The following MARK1 variants were observed in gnomAD, a reference collection of about 807,000 sequenced individuals.
MARK1 encodes microtubule affinity regulating kinase 1.
In MARK1, 40 loss-of-function variants were observed where a neutral mutation model predicts 96.3. That is an observed-to-expected ratio of 0.42 (90% CI 0.32 to 0.54). MARK1 has a LOEUF of 0.54. Among genes scored for constraint, MARK1 ranks in the 20% least tolerant of loss-of-function variants. MARK1 has a pLI of 0.16. For synonymous variants in MARK1, 317 were observed against 341.2 expected, an observed-to-expected ratio of 0.93 and a Z score of 0.78; for missense variants, 719 against 984.6, an observed-to-expected ratio of 0.73 and a Z score of 3.61.
At chr1:220,539,004 T>A (rs1351937870) in intron 1 of MARK1, among the ~76,000 whole-genome samples, 5 of 152,128 alleles carry the variant, frequency 3.3e-5, no homozygotes, top group Non-Finnish European at 7.3e-5. Context: ...TACAATCATG[T>A]CATCTGCAAA....
intron 1 of MARK1, among the ~76,000 whole-genome samples, chr1:220,556,235 C>T (rs1052773466): frequency 6.6e-6 from 1 of 152,112 alleles, no homozygotes; most frequent in African/African-American, 2.4e-5. Flanking sequence ...AAAAACTCTG[C>T]CCCTTAGTTG....
chr1:220,595,743 G>T (rs891980509), intron 3 of MARK1, among the ~76,000 whole-genome samples: 1 of 152,164 alleles, frequency 6.6e-6, no homozygotes, highest in Non-Finnish European at 1.5e-5. Flanking sequence ...TGGATAACAG[G>T]TTGGAGGATG....
At chr1:220,562,866 G>A (rs79461601) in intron 1 of MARK1, among the ~76,000 whole-genome samples, 2,360 of 152,216 alleles carry the variant, frequency 0.016, 34 homozygotes, top group Middle Eastern at 0.044. Context: ...AGCAAATTCA[G>A]GTTTTGCTTT....
At chr1:220,553,656 T>C (rs1662034769) in intron 1 of MARK1, among the ~76,000 whole-genome samples, 1 of 152,170 alleles carries the variant, frequency 6.6e-6, no homozygotes, top group South Asian at 2.1e-4. Context: ...ATGGGAAGCT[T>C]ATGTTGAATG....
At chr1:220,648,300 T>G (rs1294907490) in intron 13 of MARK1, among the ~76,000 whole-genome samples, 5 of 152,218 alleles carry the variant, frequency 3.3e-5, no homozygotes, top group Non-Finnish European at 5.9e-5. Flanking sequence ...AAGGGTAGTT[T>G]TCCACCTAGT....
rs201504768 is a variant in MARK1, at chr1:220,635,931, C to G, written c.1375C>G (p.Arg459Gly). The change falls in exon 13 of 18, where the codon CGA becomes GGA. Residue 459 changes from arginine (R) to glycine (G), a missense_variant. Physicochemically the swap from Arg to Gly is moderately radical, Grantham distance 125. Around this residue, in one of 4 missense-constraint regions of MARK1, gnomAD observed 501 missense variants for 588.3 expected, o/e 0.85. Transcript: ENST00000366917. The stretch of plus-strand genomic sequence containing the variant: ...AGAGGAGTGGGACAAAGATGTGGCT[C>G]GAAAACTTGGCAGCACAACAGTTGG... Reference protein sequence around the residue: ...QKEEWDKDVARKLGSTTVGSK... With the variant: ...QKEEWDKDVAGKLGSTTVGSK... 3.9e-5 allele frequency: 63 copies of G among 1,613,938 alleles called. No homozygotes were observed. In the East Asian group the frequency reaches 1.4e-3, roughly 35 times the overall value.
chr1:220,600,009 T>C, intron 5 of MARK1, 146 bp downstream of exon 5: 1 of 490,526 alleles, frequency 2.0e-6, no homozygotes. Flanking sequence ...TTAAGGAAAA[T>C]TCAGTGTTTA....
chr1:220,579,244 G>A lies in MARK1; in HGVS notation c.52-110G>A, dbSNP rs1664068621. ...TGCTCAAACTTTAAAAGGATGTAGT[G>A]CAATATGTTTTTATTGAAGAATTGG... is the stretch of plus-strand genomic sequence containing the variant. On this transcript the variant is annotated intron_variant, in intron 1 of 17. Transcript: ENST00000366917. 5 of 743,690 alleles carry A rather than the reference G, an allele frequency of 6.7e-6. No homozygotes were observed. In the South Asian group the frequency reaches 9.1e-5, roughly 14 times the overall value. The allele number at this position is 743,690 out of a possible 1,614,324, so 46.1% of individuals were successfully genotyped here.
chr1:220,621,630 T>C (rs540331486), intron 9 of MARK1, among the ~76,000 whole-genome samples: 52 of 152,230 alleles, frequency 3.4e-4, no homozygotes, highest in African/African-American at 1.2e-3. Context: ...CGTAGATTTG[T>C]ACCAACTTTG....
chr1:220,530,127 T>C (rs1660212981), intron 1 of MARK1, among the ~76,000 whole-genome samples: 1 of 152,210 alleles, frequency 6.6e-6, no homozygotes, highest in Non-Finnish European at 1.5e-5. Context: ...AAATTTAATA[T>C]AACTATACAA....
intron 6 of MARK1, among the ~76,000 whole-genome samples, chr1:220,614,704 C>T (rs1398841218): frequency 6.6e-6 from 1 of 152,006 alleles, no homozygotes; most frequent in Non-Finnish European, 1.5e-5. Flanking sequence ...TGCCTAGCAA[C>T]CATCACATTT....
chr1:220,542,745 GTCTCTCTT>G (rs1047144805), intron 1 of MARK1, among the ~76,000 whole-genome samples: 1 of 152,006 alleles, frequency 6.6e-6, no homozygotes, highest in Non-Finnish European at 1.5e-5. Context: ...GCCCTTGGAG[GTCTCTCTT>G]ACTCTCTTAT....
intron 1 of MARK1, among the ~76,000 whole-genome samples, chr1:220,555,508 G>A (rs534403706): frequency 6.6e-6 from 1 of 152,212 alleles, no homozygotes; most frequent in South Asian, 2.1e-4. Flanking sequence ...GAATGGATTC[G>A]TGACGTGTTT....
At chr1:220,571,461 A>G (rs1427597526) in intron 1 of MARK1, among the ~76,000 whole-genome samples, 2 of 152,200 alleles carry the variant, frequency 1.3e-5, no homozygotes, top group Admixed American at 6.5e-5. Flanking sequence ...TTTGTCACTC[A>G]TAAAAGTACT....
rs148428907 is a variant in MARK1, at chr1:220,533,432, A to ATTG, written c.51+4562_51+4564dup. Among the ~76,000 whole-genome samples, 565 of 152,060 alleles carry ATTG rather than the reference A, an allele frequency of 3.7e-3. 6 individuals are homozygous for ATTG. Among genetic ancestry groups the ATTG allele is most frequent in the African/African-American group, 0.013 (534 of 41,458 alleles). The stretch of plus-strand genomic sequence containing the variant: ...GACACATGATTTTAAAGTTATTATT[A>ATTG]TTGTTATTATTTTTCCTCTTCCATC... On this transcript the variant is annotated intron_variant, in intron 1 of 17. Coordinates refer to ENST00000366917, the MANE Select transcript of MARK1 (RefSeq NM_018650.5).
At position 220,615,960 on chromosome 1, in the gene MARK1, T is replaced by C. The variant is rs1378669081; in HGVS notation, c.517T>C (p.Cys173Arg). The change falls in exon 7 of 18, where the codon TGT (cysteine) becomes CGT (arginine). Residue 173 changes from cysteine to arginine, a missense_variant. Cys to Arg is a radical substitution (Grantham distance 180). Coordinates refer to ENST00000366917, the MANE Select transcript of MARK1 (RefSeq NM_018650.5). Reference protein sequence around the residue: ...FRQIVSAVQYCHQKYIVHRDL... With the variant: ...FRQIVSAVQYRHQKYIVHRDL... ...CCAGATTGTATCTGCTGTACAGTAT[T>C]GTCATCAAAAGTACATTGTTCACCG... The C allele has an allele frequency of 6.4e-7, 1 of 1,565,100 alleles. No individual in the cohort carries two copies. The highest frequency in any genetic ancestry group is 1.7e-5 in the Admixed American group (1 of 58,706).
intron 1 of MARK1, among the ~76,000 whole-genome samples, chr1:220,547,165 TTTA>T (rs1429309314): frequency 8.5e-5 from 13 of 152,194 alleles, no homozygotes; most frequent in African/African-American, 2.4e-4. Flanking sequence ...GCAGAAATTA[TTTA>T]TTAACTGAAT....
chr1:220,626,045 A>G (rs1667311797), intron 9 of MARK1: 1 of 569,168 alleles, frequency 1.8e-6, no homozygotes, highest in Non-Finnish European at 3.5e-6. Context: ...CCAGTATTCA[A>G]TGGCCTGTTT....
chr1:220,623,394 A>G (rs1482062761), intron 9 of MARK1, among the ~76,000 whole-genome samples: 1 of 152,140 alleles, frequency 6.6e-6, no homozygotes, highest in Non-Finnish European at 1.5e-5. Flanking sequence ...TTTATTTTGG[A>G]AAAAAATAAC....
Sources: allele counts gnomAD v4.1 joint callset (sites outside exome capture counted in the v4.1 genomes callset), GRCh38; gene constraint gnomAD v4.1.1; regional missense constraint gnomAD v4.1.1; transcripts MANE v1.5; gene names NCBI Gene and HGNC (gene_info 2026-07-23, HGNC 2026-07-21).